The following DERA variants were observed in gnomAD, a reference collection of about 807,000 sequenced individuals.
DERA encodes deoxyribose-phosphate aldolase, also known as 2-deoxy-D-ribose 5-phosphate aldolase.
In DERA, 15 loss-of-function variants were observed where a neutral mutation model predicts 41.1. That is an observed-to-expected ratio of 0.37 (90% CI 0.24 to 0.56). The LOEUF is 0.56. Among genes scored for constraint, DERA ranks in the 20% least tolerant of loss-of-function variants. DERA has a pLI of 0.81. For synonymous variants in DERA, 139 were observed against 137.4 expected (o/e 1.01, Z -0.08); for missense variants, 396 against 403.4 (o/e 0.98, Z 0.16).
chr12:15,972,630 C>T lies in DERA; in HGVS notation c.509-9678C>T, dbSNP rs1437026187. ...GGCATTTCACGCATAGTGCAGAAGT[C>T]GGGGACCTCCAGCGTGCACCCAGAG... is the stretch of plus-strand genomic sequence containing the variant. On this transcript the variant is annotated intron_variant, in intron 5 of 8. Coordinates refer to ENST00000428559, the MANE Select transcript of DERA (RefSeq NM_015954.4). This position sits in a 1 kb window ranked among gnomAD's most constrained non-coding sequence, Gnocchi z 4.4. The T allele has an allele frequency of 2.2e-5, 4 of 179,804 alleles. No individual in the cohort carries two copies. The highest frequency in any genetic ancestry group is 1.3e-4 in the East Asian group (1 of 7,558). 11.1% of individuals were successfully genotyped at this position (179,804 alleles called of 1,614,324 possible). A position where few individuals can be genotyped will look rare whatever the true frequency, so the allele number is the denominator to read the frequency against.
At position 16,014,692 on chromosome 12, in the gene DERA, G is replaced by A. The variant is rs1490956690; in HGVS notation, c.638-17850G>A. On this transcript the variant is annotated intron_variant, in intron 6 of 8. Transcript: ENST00000428559. The surrounding 1 kb of genome is among the most constrained non-coding windows in gnomAD (Gnocchi z 5.4). ...CCCCACTGGGGCACTGCCTAGTGGAGCTGTGAGAAGAGGGCAACCGTCCTC... is the reference window on the plus strand; with the variant it reads ...CCCCACTGGGGCACTGCCTAGTGGAACTGTGAGAAGAGGGCAACCGTCCTC... 6.6e-6 allele frequency among the ~76,000 whole-genome samples: 1 copy of A among 152,218 alleles called. No homozygotes were observed. The highest frequency in any genetic ancestry group is 1.9e-4 in the East Asian group (1 of 5,186).
chr12:15,955,471 C>CT (rs1462138330), intron 1 of DERA, among the ~76,000 whole-genome samples: 3 of 152,080 alleles, frequency 2.0e-5, no homozygotes, highest in Admixed American at 2.0e-4. Flanking sequence ...ACCCCAGACT[C>CT]CCATTTTCTC....
chr12:15,943,859 C>G lies in DERA; in HGVS notation c.32-13077C>G, dbSNP rs1210097763. ...TCGTCATTTACATTACGTATTTCTCCTAATGCTATCCCTCCCCCCTCCCCC... is the reference window on the plus strand; with the variant it reads ...TCGTCATTTACATTACGTATTTCTCGTAATGCTATCCCTCCCCCCTCCCCC... On this transcript the variant is annotated intron_variant, in intron 1 of 8. Coordinates refer to ENST00000428559, the MANE Select transcript of DERA (RefSeq NM_015954.4). The surrounding 1 kb of genome is among the most constrained non-coding windows in gnomAD (Gnocchi z 4.5). 1.3e-5 allele frequency among the ~76,000 whole-genome samples: 2 copies of G among 148,728 alleles called. No homozygotes were observed. Among genetic ancestry groups the G allele is most frequent in the East Asian group, 2.0e-4 (1 of 5,122 alleles).
intron 5 of DERA, among the ~76,000 whole-genome samples, chr12:15,973,541 G>A (rs150146568): frequency 0.016 from 2,394 of 147,326 alleles, 154 homozygotes; most frequent in Admixed American, 0.12. Flanking sequence ...AGAAAAAATA[G>A]TAAGGGCTCT....
intron 5 of DERA, among the ~76,000 whole-genome samples, chr12:15,971,498 T>G (rs3782549): frequency 0.62 from 90,838 of 146,720 alleles, 28,637 homozygotes; most frequent in East Asian, 0.82. Context: ...GCCATCTTTA[T>G]ATCTCAACTC....
rs980124526 is a variant in DERA at position 15,922,315 on chromosome 12, T to C, written c.31+10901T>C. Among the ~76,000 whole-genome samples, 1 of 152,190 alleles carries C rather than the reference T, an allele frequency of 6.6e-6. No individual in the cohort carries two copies. The highest frequency in any genetic ancestry group is 2.4e-5 in the African/African-American group (1 of 41,452). On this transcript the variant is annotated intron_variant, in intron 1 of 8. Transcript: ENST00000428559. This position sits in a 1 kb window ranked among gnomAD's most constrained non-coding sequence, Gnocchi z 4.9. ...CATTGTATTATTAACCTTTAGATAATCATTTAAAAATGCTGTGGGAAATCT... is the reference window on the plus strand; with the variant it reads ...CATTGTATTATTAACCTTTAGATAACCATTTAAAAATGCTGTGGGAAATCT...
At chr12:15,927,808 C>T (rs376756889) in intron 1 of DERA, among the ~76,000 whole-genome samples, 14 of 151,894 alleles carry the variant, frequency 9.2e-5, no homozygotes, top group African/African-American at 3.4e-4. Flanking sequence ...AATTATCTGT[C>T]TTTTTTAAAA....
At chr12:15,939,498 T>C (rs1948394259) in intron 1 of DERA, among the ~76,000 whole-genome samples, 1 of 152,244 alleles carries the variant, frequency 6.6e-6, no homozygotes, top group Admixed American at 6.5e-5. Flanking sequence ...ATCTCATTAT[T>C]TAATTTGTTC....
At chr12:15,949,500 G>T (rs555222097) in intron 1 of DERA, among the ~76,000 whole-genome samples, 24 of 152,226 alleles carry the variant, frequency 1.6e-4, no homozygotes, top group Admixed American at 1.3e-3. Flanking sequence ...CTCTGAGCCG[G>T]GCGTGGGATA....
At chr12:15,934,738 T>C (rs1948353237) in intron 1 of DERA, among the ~76,000 whole-genome samples, 1 of 152,222 alleles carries the variant, frequency 6.6e-6, no homozygotes, top group African/African-American at 2.4e-5. Context: ...AAACAACTTT[T>C]GATATGTGAA....
chr12:15,931,577 G>C lies in DERA; in HGVS notation c.31+20163G>C, dbSNP rs1406336246. Among the ~76,000 whole-genome samples the C allele has an allele frequency of 6.6e-6, 1 of 152,184 alleles. No homozygotes were observed. The highest frequency in any genetic ancestry group is 6.5e-5 in the Admixed American group (1 of 15,276). ...AAACTACATGTTTGGAAATCTAAAT[G>C]TGCTTTATTAAGTCTTTTATGGAGT... is the stretch of plus-strand genomic sequence containing the variant. On this transcript the variant is annotated intron_variant, in intron 1 of 8. Coordinates refer to ENST00000428559, the MANE Select transcript of DERA (RefSeq NM_015954.4). The surrounding 1 kb of genome is among the most constrained non-coding windows in gnomAD (Gnocchi z 4.6).
chr12:15,971,901 T>G, intron 5 of DERA: 1 of 329,446 alleles, frequency 3.0e-6, no homozygotes, highest in East Asian at 9.3e-5. Flanking sequence ...CAATCTTCAG[T>G]GAGGGCAGAT....
At position 15,936,911 on chromosome 12, in the gene DERA, C is replaced by T. The variant is rs144825883; in HGVS notation, c.32-20025C>T. Among the ~76,000 whole-genome samples, 6,873 of 141,810 alleles carry T rather than the reference C, an allele frequency of 0.048. 213 individuals carry two copies. The highest frequency in any genetic ancestry group is 0.07 in the Middle Eastern group (19 of 270). The allele number at this position is 141,810 out of a possible 152,430, so 93.0% of individuals were successfully genotyped here. A position where few individuals can be genotyped will look rare whatever the true frequency, so the allele number is the denominator to read the frequency against. On this transcript the variant is annotated intron_variant, in intron 1 of 8. Transcript: ENST00000428559. The surrounding 1 kb of genome is among the most constrained non-coding windows in gnomAD (Gnocchi z 4.6). ...TTGTCCTGTCCTGTCCTGTCCTGTCCTGTCCTGTCCTGTCCTGTCCTGTCT... is the reference window on the plus strand; with the variant it reads ...TTGTCCTGTCCTGTCCTGTCCTGTCTTGTCCTGTCCTGTCCTGTCCTGTCT...
rs200665571 is a variant in DERA, at chr12:16,029,767, ATCT to A, written c.638-2771_638-2769del. Among the ~76,000 whole-genome samples, 1,132 of 152,126 alleles carry A rather than the reference ATCT, an allele frequency of 7.4e-3. 8 individuals are homozygous for A. The highest frequency in any genetic ancestry group is 0.012 in the Non-Finnish European group (798 of 68,000). On this transcript the variant is annotated intron_variant, in intron 6 of 8. Transcript: ENST00000428559. ...TGGGCTACTGTTGCTGCCATAGTAG[ATCT>A]TCTGCTTTGCTCTCCCAAATATATT... is the stretch of plus-strand genomic sequence containing the variant.
intron 1 of DERA, among the ~76,000 whole-genome samples, chr12:15,955,558 A>C (rs532375064): frequency 6.6e-6 from 1 of 152,306 alleles, no homozygotes; most frequent in South Asian, 2.1e-4. Context: ...TTGAAATGTT[A>C]AAAATCTGGT....
intron 6 of DERA, among the ~76,000 whole-genome samples, chr12:15,991,442 T>C (rs1349419891): frequency 6.6e-6 from 1 of 152,076 alleles, no homozygotes; most frequent in Non-Finnish European, 1.5e-5. Flanking sequence ...TTTTTAGCCA[T>C]GTTTATGTAA....
rs1419196340 is a variant in DERA at position 16,014,969 on chromosome 12, G to A, written c.638-17573G>A. ...CTCCTGGATTTCAGACTTGCATGGG[G>A]CCTGTAGCCACTTCATTTTGGCCAA... On this transcript the variant is annotated intron_variant, in intron 6 of 8. Transcript: ENST00000428559. This position sits in a 1 kb window ranked among gnomAD's most constrained non-coding sequence, Gnocchi z 5.4. Among the ~76,000 whole-genome samples, 1 of 152,152 alleles carries A rather than the reference G, an allele frequency of 6.6e-6. No homozygotes were observed. Among genetic ancestry groups the A allele is most frequent in the Non-Finnish European group, 1.5e-5 (1 of 68,034 alleles).
Position 15,982,381 on chromosome 12 carries a change from A to C in DERA, c.582A>C (p.Gly194=), listed in dbSNP as rs777324075. Reference sequence around the variant, plus strand: ...ATCTTAAAACTATATTAGCGACAGGAGAACTTGGAACTCTTACTAATGTCT... The same window carrying C: ...ATCTTAAAACTATATTAGCGACAGGCGAACTTGGAACTCTTACTAATGTCT... ...EAHLKTILAT[G]ELGTLTNVYK... Residue 194 remains glycine (G), a synonymous_variant, in exon 6 of 9, where the codon GGA becomes GGC. Coordinates refer to ENST00000428559, the MANE Select transcript of DERA (RefSeq NM_015954.4). This position sits in a 1 kb window ranked among gnomAD's most constrained non-coding sequence, Gnocchi z 4.0. 1 of 1,613,904 alleles carries C rather than the reference A, an allele frequency of 6.2e-7. No homozygotes were observed. Among genetic ancestry groups the C allele is most frequent in the South Asian group, 1.1e-5 (1 of 91,062 alleles).
rs1220337968 is a variant in DERA at position 16,036,204 on chromosome 12, T to C, written c.751-28T>C. 5.9e-6 allele frequency: 9 copies of C among 1,536,198 alleles called. No homozygotes were observed. In the South Asian group the frequency reaches 1.0e-4, roughly 17 times the overall value. ...AAAAGAAATCCAATAACAATAAAGA[T>C]TGTTCTATTCTCTGCCTTCCCATTT... On this transcript the variant is annotated intron_variant, in intron 7 of 8. Coordinates refer to ENST00000428559, the MANE Select transcript of DERA (RefSeq NM_015954.4). This position sits in a 1 kb window ranked among gnomAD's most constrained non-coding sequence, Gnocchi z 4.9.
Sources: allele counts gnomAD v4.1 joint callset (sites outside exome capture counted in the v4.1 genomes callset), GRCh38; gene constraint gnomAD v4.1.1; non-coding constraint Gnocchi (gnomAD v3.1); transcripts MANE v1.5; gene names NCBI Gene and HGNC (gene_info 2026-07-23, HGNC 2026-07-21).